The following TRABD2B variants were observed in gnomAD, a reference collection of about 807,000 sequenced individuals.
TRABD2B encodes the protein metalloprotease TIKI2.
TRABD2B carries 14 observed loss-of-function variants against 40.1 expected under a neutral mutation model. The ratio of observed to expected loss-of-function variants is 0.35; its 90% CI spans 0.23 to 0.55. The LOEUF is 0.55. Among genes scored for constraint, TRABD2B ranks in the 20% least tolerant of loss-of-function variants. The pLI, the probability that TRABD2B is intolerant of heterozygous loss-of-function variation, is 0.90. For synonymous variants in TRABD2B, 263 were observed against 277.0 expected, an observed-to-expected ratio of 0.95 and a Z score of 0.50; for missense variants, 541 against 648.6, an observed-to-expected ratio of 0.83 and a Z score of 1.80.
At chr1:47,986,277 T>C (rs1645917905) in intron 2 of TRABD2B, among the ~76,000 whole-genome samples, 1 of 152,170 alleles carries the variant, frequency 6.6e-6, no homozygotes, top group Non-Finnish European at 1.5e-5. Flanking sequence ...CAGTACTGAA[T>C]ATGTCTCAGG....
Position 47,996,619 on chromosome 1 carries a change from C to T in TRABD2B, c.102+69G>A, listed in dbSNP as rs889366473. 2.5e-6 allele frequency: 3 copies of T among 1,210,796 alleles called. No homozygotes were observed. Among genetic ancestry groups the T allele is most frequent in the South Asian group, 4.2e-5 (1 of 23,874 alleles). 75.0% of individuals were successfully genotyped at this position (1,210,796 alleles called of 1,614,324 possible). ...CTAAGGTGGGTGCGGAAGCAGGACC[C>T]AAACCATGGTCCCACGGGACTAGAA... is the stretch of plus-strand genomic sequence containing the variant. On this transcript the variant is annotated intron_variant, in intron 1 of 6. Transcript: ENST00000606738. The surrounding 1 kb of genome is among the most constrained non-coding windows in gnomAD (Gnocchi z 4.6).
At chr1:47,878,749 G>A (rs1342154658) in intron 2 of TRABD2B, among the ~76,000 whole-genome samples, 1 of 152,188 alleles carries the variant, frequency 6.6e-6, no homozygotes, top group Non-Finnish European at 1.5e-5. Context: ...TAAGTGGTAA[G>A]TTCAGAGTTT....
intron 5 of TRABD2B, among the ~76,000 whole-genome samples, chr1:47,775,963 G>T (rs1381296908): frequency 3.3e-5 from 5 of 151,978 alleles, no homozygotes; most frequent in Non-Finnish European, 5.9e-5. Flanking sequence ...CTTGGTCAGG[G>T]TCTCATTTAT....
At chr1:47,868,051 G>A (rs1393963503) in intron 2 of TRABD2B, among the ~76,000 whole-genome samples, 2 of 152,178 alleles carry the variant, frequency 1.3e-5, no homozygotes, top group Admixed American at 6.5e-5. Context: ...CCGTCTCCTT[G>A]TTTGTTTCTC....
intron 2 of TRABD2B, among the ~76,000 whole-genome samples, chr1:47,872,123 G>A (rs1282271028): frequency 6.6e-6 from 1 of 152,214 alleles, no homozygotes; most frequent in Non-Finnish European, 1.5e-5. Context: ...GAGGACAGCA[G>A]CATGCAGGGT....
At chr1:47,845,587 A>C (rs1645457760) in intron 2 of TRABD2B, among the ~76,000 whole-genome samples, 1 of 152,226 alleles carries the variant, frequency 6.6e-6, no homozygotes, top group African/African-American at 2.4e-5. Flanking sequence ...AGAGACTGCT[A>C]TTAATGACAA....
chr1:47,896,485 C>G (rs1644523823), intron 2 of TRABD2B, among the ~76,000 whole-genome samples: 1 of 152,216 alleles, frequency 6.6e-6, no homozygotes, highest in East Asian at 1.9e-4. Flanking sequence ...AAACCTCCCT[C>G]TGGAACCCAA....
intron 2 of TRABD2B, among the ~76,000 whole-genome samples, chr1:47,912,932 G>A (rs1167115036): frequency 6.6e-6 from 1 of 152,164 alleles, no homozygotes; most frequent in Non-Finnish European, 1.5e-5. Flanking sequence ...AAGCAGCACA[G>A]GCCGCCCCTA....
At chr1:47,787,109 A>C (rs2124162868) in intron 4 of TRABD2B, among the ~76,000 whole-genome samples, 1 of 152,336 alleles carries the variant, frequency 6.6e-6, no homozygotes, top group Non-Finnish European at 1.5e-5. Context: ...CACCAAGTGA[A>C]GAACCATGAT....
At chr1:47,869,195 A>G (rs1333557626) in intron 2 of TRABD2B, among the ~76,000 whole-genome samples, 2 of 152,230 alleles carry the variant, frequency 1.3e-5, no homozygotes, top group Non-Finnish European at 2.9e-5. Flanking sequence ...CCATTCATAC[A>G]CATACATGTA....
chr1:47,928,069 G>C (rs553399554), intron 2 of TRABD2B, among the ~76,000 whole-genome samples: 11 of 152,308 alleles, frequency 7.2e-5, no homozygotes, highest in Non-Finnish European at 1.2e-4. Flanking sequence ...AGTGATCCGT[G>C]GGCACAGTAA....
At chr1:47,787,144 T>C (rs1644606998) in intron 4 of TRABD2B, among the ~76,000 whole-genome samples, 1 of 152,186 alleles carries the variant, frequency 6.6e-6, no homozygotes, top group African/African-American at 2.4e-5. Flanking sequence ...GTGTGGGTCT[T>C]GCCCTGAGGA....
intron 2 of TRABD2B, among the ~76,000 whole-genome samples, chr1:47,877,044 A>G (rs1415928858): frequency 6.6e-6 from 1 of 152,146 alleles, no homozygotes; most frequent in Non-Finnish European, 1.5e-5. Flanking sequence ...GCAAATTGTG[A>G]TAAGTATCAT....
intron 2 of TRABD2B, among the ~76,000 whole-genome samples, chr1:47,815,841 A>C (rs28434082): frequency 2.8e-4 from 36 of 129,344 alleles, no homozygotes; most frequent in Non-Finnish European, 4.9e-4. Flanking sequence ...AGATAGATAG[A>C]TAGATAGATA....
intron 2 of TRABD2B, among the ~76,000 whole-genome samples, chr1:47,942,479 G>A (rs538368669): frequency 6.6e-6 from 1 of 152,258 alleles, no homozygotes; most frequent in Non-Finnish European, 1.5e-5. Flanking sequence ...ACCAAGTAGG[G>A]TTCAGGCACT....
intron 2 of TRABD2B, 73 bp downstream of exon 2, chr1:47,993,961 A>G (rs868141479): frequency 1.4e-6 from 2 of 1,411,576 alleles, no homozygotes; most frequent in Middle Eastern, 1.9e-4. Flanking sequence ...CCCCTCGGAG[A>G]AGAAAGACAA....
Position 47,778,523 on chromosome 1 carries a change from G to GT in TRABD2B, c.1009dup (p.Thr337AsnfsTer35). The GT allele has an allele frequency of 6.5e-7, 1 of 1,536,136 alleles. No individual in the cohort carries two copies. The highest frequency in any genetic ancestry group is 1.4e-5 in the African/African-American group (1 of 73,176). Reference sequence around the variant, plus strand: ...TGCCTGCCGCAGGATGTCGATGACTGTGTTGTTCCCCAGAAAGTGACCTGG... The same window carrying GT: ...TGCCTGCCGCAGGATGTCGATGACTGTTGTTGTTCCCCAGAAAGTGACCTGG... On this transcript the variant is annotated frameshift_variant, in exon 5 of 7. Transcript: ENST00000606738. LOFTEE classifies it high-confidence loss of function.
intron 2 of TRABD2B, among the ~76,000 whole-genome samples, chr1:47,911,477 G>T (rs1043539813): frequency 2.0e-5 from 3 of 152,224 alleles, no homozygotes; most frequent in Non-Finnish European, 4.4e-5. Flanking sequence ...CTTAGATAAA[G>T]AACAGGCCGA....
intron 4 of TRABD2B, among the ~76,000 whole-genome samples, chr1:47,790,234 T>C (rs1389303957): frequency 2.0e-5 from 3 of 152,206 alleles, no homozygotes; most frequent in South Asian, 2.1e-4. Context: ...CTAGAAAATC[T>C]TGGGGGGCTC....
Sources: allele counts gnomAD v4.1 joint callset (sites outside exome capture counted in the v4.1 genomes callset), GRCh38; gene constraint gnomAD v4.1.1; non-coding constraint Gnocchi (gnomAD v3.1); transcripts MANE v1.5; gene names NCBI Gene and HGNC (gene_info 2026-07-23, HGNC 2026-07-21).